INTS2: variants seen among roughly 807,000 people sequenced by gnomAD.
INTS2 encodes integrator complex subunit 2, also known as KIAA1287.
In INTS2, 57 loss-of-function variants were observed where a neutral mutation model predicts 139.6. That is an observed-to-expected ratio of 0.41 (90% CI 0.33 to 0.51). The LOEUF (loss-of-function observed/expected upper bound fraction) is 0.51, where lower values mean the gene tolerates loss of function less well. INTS2 is among the 20% of genes least tolerant of loss of function. The pLI is 0.28. For synonymous variants in INTS2, 473 were observed against 493.4 expected, an observed-to-expected ratio of 0.96 and a Z score of 0.55; for missense variants, 1,196 against 1,436.7, an observed-to-expected ratio of 0.83 and a Z score of 2.71.
At chr17:61,913,382 G>GAA (rs796389508) in intron 5 of INTS2, among the ~76,000 whole-genome samples, 1 of 121,920 alleles carries the variant, frequency 8.2e-6, no homozygotes, top group Admixed American at 8.2e-5. Flanking sequence ...AGAAATTAAA[G>GAA]AAAAAAAAAA....
At chr17:61,913,773 G>A (rs562586677) in intron 5 of INTS2, among the ~76,000 whole-genome samples, 86 of 152,260 alleles carry the variant, frequency 5.6e-4, no homozygotes, top group African/African-American at 2.0e-3. Flanking sequence ...GGGAAATTAT[G>A]CCAGATGGAA....
At chr17:61,899,025 A>G (rs1432984168) in intron 9 of INTS2, among the ~76,000 whole-genome samples, 2 of 152,254 alleles carry the variant, frequency 1.3e-5, no homozygotes, top group Admixed American at 6.5e-5. Context: ...AATGAAAAGT[A>G]TAATTCTTCT....
In INTS2 at chr17:61,909,066, C is replaced by G. The variant is rs185828307; in HGVS notation, c.955-1432G>C. ...CTGTTGCAAAATACATATGCATAAG[C>G]AGGTGAACGTATAAAATAAAATGTG... On this transcript the variant is annotated intron_variant, in intron 7 of 24. Transcript: ENST00000251334. This position sits in a 1 kb window ranked among gnomAD's most constrained non-coding sequence, Gnocchi z 4.9. 1.0e-3 allele frequency among the ~76,000 whole-genome samples: 156 copies of G among 152,182 alleles called. No homozygotes were observed. The highest frequency in any genetic ancestry group is 2.4e-3 in the Admixed American group (36 of 15,262).
Position 61,875,337 on chromosome 17 carries a change from T to C in INTS2, c.2457-299A>G, listed in dbSNP as rs917150299. 2.6e-5 allele frequency among the ~76,000 whole-genome samples: 4 copies of C among 152,222 alleles called. No homozygotes were observed. Among genetic ancestry groups the C allele is most frequent in the Non-Finnish European group, 5.9e-5 (4 of 68,030 alleles). The stretch of plus-strand genomic sequence containing the variant: ...CCTTAGTTATACCATACTTGCTATA[T>C]GACTCTGTGTAAGTCACTGAGGCTC... On this transcript the variant is annotated intron_variant, in intron 18 of 24. Transcript: ENST00000251334. This position sits in a 1 kb window ranked among gnomAD's most constrained non-coding sequence, Gnocchi z 4.6.
chr17:61,917,900 T>A (rs539328924), intron 5 of INTS2, among the ~76,000 whole-genome samples: 1 of 151,474 alleles, frequency 6.6e-6, no homozygotes, highest in Non-Finnish European at 1.5e-5. Context: ...AATAAAGAAA[T>A]CAAATTTGAC....
chr17:61,886,028 T>C (rs2079225366), intron 15 of INTS2, among the ~76,000 whole-genome samples: 1 of 151,866 alleles, frequency 6.6e-6, no homozygotes, highest in African/African-American at 2.4e-5. Flanking sequence ...GTGAATTTTA[T>C]CATATTATAT....
At chr17:61,904,388 A>G in intron 9 of INTS2, 72 bp downstream of exon 9, 1 of 1,065,936 alleles carries the variant, frequency 9.4e-7, no homozygotes, top group Non-Finnish European at 1.4e-6. Context: ...ACTCTTATCT[A>G]ATGCTATACA....
intron 3 of INTS2, among the ~76,000 whole-genome samples, chr17:61,923,597 C>T (rs571506117): frequency 6.7e-6 from 1 of 149,768 alleles, no homozygotes; most frequent in African/African-American, 2.5e-5. Flanking sequence ...TAAAACTAAA[C>T]TTTATTTACT....
At chr17:61,916,931 TAAAC>T (rs1332984424) in intron 5 of INTS2, among the ~76,000 whole-genome samples, 3 of 151,662 alleles carry the variant, frequency 2.0e-5, no homozygotes, top group Non-Finnish European at 4.4e-5. Context: ...TATAAGGACA[TAAAC>T]AATTCAACAA....
At chr17:61,905,498 TG>T (rs1353369304) in intron 8 of INTS2, among the ~76,000 whole-genome samples, 1 of 151,874 alleles carries the variant, frequency 6.6e-6, no homozygotes, top group African/African-American at 2.4e-5. Flanking sequence ...AGCTAATTTT[TG>T]TATTTTTAGT....
rs2079059540 is a variant in INTS2 at position 61,867,961 on chromosome 17, CT to C, written c.3292del (p.Ser1098ValfsTer20). The C allele has an allele frequency of 1.2e-6, 2 of 1,609,886 alleles. No homozygotes were observed. The highest frequency in any genetic ancestry group is 1.7e-6 in the Non-Finnish European group (2 of 1,178,820). ...AAATGCTCGACAAAAAGAGACCAAA[CT>C]TGGCAGAGTTGGCATAAAAAAAGCA... is the stretch of plus-strand genomic sequence containing the variant. ...RYAFFMPTLP[S>X]LVSFCRAFPP... On this transcript the variant is annotated frameshift_variant, in exon 24 of 25. Transcript: ENST00000251334. LOFTEE classifies it high-confidence loss of function. The surrounding 1 kb of genome is among the most constrained non-coding windows in gnomAD (Gnocchi z 5.6).
At chr17:61,891,423 A>T (rs1340736259) in intron 14 of INTS2, 90 bp downstream of exon 14, 6 of 952,464 alleles carry the variant, frequency 6.3e-6, no homozygotes, top group Non-Finnish European at 9.8e-6. Flanking sequence ...ACTACCTAGA[A>T]GTCCTCTGAT....
At chr17:61,914,099 A>C (rs1468827761) in intron 5 of INTS2, among the ~76,000 whole-genome samples, 2 of 151,794 alleles carry the variant, frequency 1.3e-5, no homozygotes, top group Non-Finnish European at 2.9e-5. Flanking sequence ...CTGCCACTAG[A>C]TTAAAAAAAA....
At chr17:61,888,445 A>G (rs991658478) in intron 15 of INTS2, among the ~76,000 whole-genome samples, 1 of 152,210 alleles carries the variant, frequency 6.6e-6, no homozygotes, top group African/African-American at 2.4e-5. Context: ...CAAATACAGG[A>G]AAAGATACCA....
At chr17:61,919,093 T>C (rs1228578521) in intron 5 of INTS2, among the ~76,000 whole-genome samples, 1 of 151,996 alleles carries the variant, frequency 6.6e-6, no homozygotes, top group Non-Finnish European at 1.5e-5. Context: ...TCCAGCTAAT[T>C]TTTGTATTTT....
At position 61,891,616 on chromosome 17, in the gene INTS2, T is replaced by C; in HGVS notation, c.1772A>G (p.Tyr591Cys). The C allele has an allele frequency of 6.2e-7, 1 of 1,613,286 alleles. No homozygotes were observed. The part of the protein sequence containing the change: ...HPQLLPLIDV[Y>C]INSILTPASK... ...CGCAGGAGTAAGTATAGAATTTATG[T>C]ACACATCAATCAAAGGAAGTAATTG... Residue 591 changes from tyrosine to cysteine, a missense_variant, in exon 14 of 25, where the codon TAC becomes TGC. By Grantham distance (194) the Tyr-to-Cys change is radical. Coordinates refer to ENST00000251334, the MANE Select transcript of INTS2 (RefSeq NM_001351695.2).
chr17:61,874,992 C>T lies in INTS2; in HGVS notation c.2503G>A (p.Val835Ile). The change falls in exon 19 of 25, where the codon GTA becomes ATA. Residue 835 changes from valine (V) to isoleucine (I), a missense_variant. By Grantham distance (29) the Val-to-Ile change is conservative. Around this residue, in one of 3 missense-constraint regions of INTS2, gnomAD observed 1,129 missense variants for 1,341.9 expected, o/e 0.84. Transcript: ENST00000251334. ...TTCTGAGTATACTTTTGTTGTCGTA[C>T]AAACTTTATTGAAGGCTGAAGTGCA... ...VNALQPSIKF[V>I]RQQKYTQNDL... is the part of the protein sequence containing the mutation. The T allele has an allele frequency of 6.3e-7, 1 of 1,597,760 alleles. No individual in the cohort carries two copies. The highest frequency in any genetic ancestry group is 8.5e-7 in the Non-Finnish European group (1 of 1,171,036).
intron 14 of INTS2, 50 bp from the exon 15 acceptor site, chr17:61,889,944 CTTT>C (rs749440040): frequency 1.2e-5 from 12 of 1,024,772 alleles, no homozygotes; most frequent in African/African-American, 1.6e-5. Context: ...TTCACGAGTG[CTTT>C]TTTTTTTCTT....
intron 17 of INTS2, among the ~76,000 whole-genome samples, chr17:61,880,682 G>T (rs1403749416): frequency 1.3e-5 from 2 of 151,954 alleles, no homozygotes; most frequent in South Asian, 2.1e-4. Context: ...AGCCCAGCAG[G>T]TGGAGGCTGC....
Sources: allele counts gnomAD v4.1 joint callset (sites outside exome capture counted in the v4.1 genomes callset), GRCh38; gene constraint gnomAD v4.1.1; regional missense constraint gnomAD v4.1.1; non-coding constraint Gnocchi (gnomAD v3.1); transcripts MANE v1.5; gene names NCBI Gene and HGNC (gene_info 2026-07-23, HGNC 2026-07-21).